Variants in KCNQ3 observed in about 807,000 individuals in gnomAD.
KCNQ3 encodes potassium voltage-gated channel subfamily KQT member 3.
A neutral mutation model predicts 92.5 loss-of-function variants in KCNQ3; 30 were observed. The observed-to-expected ratio is 0.32, with a 90% CI of 0.24 to 0.44. The LOEUF (loss-of-function observed/expected upper bound fraction) is 0.44, where lower values mean the gene tolerates loss of function less well. Ranked by LOEUF, KCNQ3 falls within the 20% of genes least tolerant of loss-of-function variation. KCNQ3 has a pLI of 1.00. For synonymous variants in KCNQ3, 450 were observed against 468.8 expected (o/e 0.96, Z 0.52); for missense variants, 913 against 1,140.3 (o/e 0.80, Z 2.87).
chr8:132,217,720 A>AAC (rs1471488044), intron 1 of KCNQ3, among the ~76,000 whole-genome samples: 1 of 151,428 alleles, frequency 6.6e-6, no homozygotes, highest in Non-Finnish European at 1.5e-5. Context: ...CAAAAAAAAA[A>AAC]AAAAAAAAAA....
intron 1 of KCNQ3, among the ~76,000 whole-genome samples, chr8:132,226,075 T>C (rs1242066658): frequency 6.6e-6 from 1 of 151,968 alleles, no homozygotes; most frequent in Non-Finnish European, 1.5e-5. Flanking sequence ...ATAGAGACCA[T>C]CCTGGCTAAC....
chr8:132,291,700 G>T (rs1210055007), intron 1 of KCNQ3, among the ~76,000 whole-genome samples: 2 of 152,124 alleles, frequency 1.3e-5, no homozygotes, highest in African/African-American at 4.8e-5. Flanking sequence ...ATAACCAGAT[G>T]CAGAGAAGCT....
chr8:132,480,016 C>T, intron 1 of KCNQ3, 131 bp downstream of exon 1: 2 of 811,002 alleles, frequency 2.5e-6, no homozygotes, highest in Non-Finnish European at 3.9e-6. Context: ...GTGCTGAGGA[C>T]GGGCTGGTCT....
intron 1 of KCNQ3, among the ~76,000 whole-genome samples, chr8:132,416,022 C>T (rs1182312458): frequency 6.6e-6 from 1 of 152,140 alleles, no homozygotes; most frequent in Non-Finnish European, 1.5e-5. Flanking sequence ...TATGACTCAC[C>T]CCAGGCCACA....
At chr8:132,133,347 CTCGAT>C (rs1824945868) in intron 13 of KCNQ3, among the ~76,000 whole-genome samples, 1 of 121,496 alleles carries the variant, frequency 8.2e-6, no homozygotes, top group African/African-American at 2.8e-5. Context: ...CGTTAATGCT[CTCGAT>C]TCTTTTTTTT....
intron 1 of KCNQ3, among the ~76,000 whole-genome samples, chr8:132,242,609 T>A (rs1293709283): frequency 6.6e-6 from 1 of 152,240 alleles, no homozygotes; most frequent in Non-Finnish European, 1.5e-5. Flanking sequence ...GATAGGAACC[T>A]AAATTCATAG....
At chr8:132,397,477 C>T (rs1375032022) in intron 1 of KCNQ3, among the ~76,000 whole-genome samples, 1 of 152,162 alleles carries the variant, frequency 6.6e-6, no homozygotes, top group Admixed American at 6.5e-5. Flanking sequence ...ACTATCTACG[C>T]TGCATAGGGT....
At chr8:132,358,776 G>C (rs950679950) in intron 1 of KCNQ3, among the ~76,000 whole-genome samples, 2 of 152,182 alleles carry the variant, frequency 1.3e-5, no homozygotes, top group African/African-American at 4.8e-5. Flanking sequence ...GATTATACAT[G>C]AATTTGTGTG....
chr8:132,278,043 A>G (rs1816394967), intron 1 of KCNQ3: 2 of 985,366 alleles, frequency 2.0e-6, no homozygotes, highest in Non-Finnish European at 2.4e-6. Context: ...CTCAGATTCA[A>G]ACAAGTCAGG....
chr8:132,206,641 C>T (rs976276457), intron 1 of KCNQ3, among the ~76,000 whole-genome samples: 1 of 152,170 alleles, frequency 6.6e-6, no homozygotes, highest in African/African-American at 2.4e-5. Flanking sequence ...CATATAGTTG[C>T]TCATAGTAAC....
chr8:132,187,837 G>A (rs1432718390), intron 1 of KCNQ3, among the ~76,000 whole-genome samples: 159 of 122,152 alleles, frequency 1.3e-3, no homozygotes, highest in African/African-American at 3.4e-3. Context: ...GGTGATTGTG[G>A]TGGTGGTGGT....
Position 132,346,439 on chromosome 8 carries a change from C to T in KCNQ3, c.386+133708G>A, listed in dbSNP as rs753730816. ...CGGAGGCGGGAGCATTTCCAAAGGT[C>T]GGGATGACTCAGCAGTCCTCTGAAA... On this transcript the variant is annotated intron_variant, in intron 1 of 14. Transcript: ENST00000388996. 5.3e-5 allele frequency among the ~76,000 whole-genome samples: 8 copies of T among 152,112 alleles called. No homozygotes were observed. The East Asian group carries it at 7.7e-4, about 15-fold the overall frequency.
At chr8:132,447,670 G>C (rs1232299773) in intron 1 of KCNQ3, among the ~76,000 whole-genome samples, 2 of 152,198 alleles carry the variant, frequency 1.3e-5, no homozygotes, top group African/African-American at 4.8e-5. Flanking sequence ...ACAGCGCCAC[G>C]AGCGCATGAT....
At chr8:132,227,274 A>T (rs914976997) in intron 1 of KCNQ3, among the ~76,000 whole-genome samples, 8 of 151,968 alleles carry the variant, frequency 5.3e-5, no homozygotes, top group African/African-American at 1.9e-4. Context: ...GTTGGCCAGG[A>T]TGGTCTCGAT....
chr8:132,294,031 C>T (rs368384060), intron 1 of KCNQ3, among the ~76,000 whole-genome samples: 1 of 119,276 alleles, frequency 8.4e-6, no homozygotes, highest in African/African-American at 3.4e-5. Context: ...GACGGAGTCT[C>T]GCTTTGTCAC....
chr8:132,456,671 G>A (rs1007898560), intron 1 of KCNQ3, among the ~76,000 whole-genome samples: 6 of 151,570 alleles, frequency 4.0e-5, no homozygotes, highest in African/African-American at 1.2e-4. Flanking sequence ...GCAGTGGTGC[G>A]ATCTTGGCAG....
chr8:132,235,737 G>A lies in KCNQ3; in HGVS notation c.387-49556C>T, dbSNP rs115100764. On this transcript the variant is annotated intron_variant, in intron 1 of 14. Transcript: ENST00000388996. ...GGAACGTCTGCCTTTACTCCACTTT[G>A]TGTCTCAAATACTCTGCTCACTTCT... Among the ~76,000 whole-genome samples, 157 of 152,272 alleles carry A rather than the reference G, an allele frequency of 1.0e-3. 1 individual carries two copies. The highest frequency in any genetic ancestry group is 3.7e-3 in the African/African-American group (155 of 41,556).
chr8:132,174,157 G>T, intron 6 of KCNQ3, 82 bp downstream of exon 6: 1 of 947,170 alleles, frequency 1.1e-6, no homozygotes, highest in Non-Finnish European at 1.7e-6. Flanking sequence ...GATAGAAGAT[G>T]ACACTGGAAA....
At chr8:132,218,037 A>C (rs924755502) in intron 1 of KCNQ3, among the ~76,000 whole-genome samples, 2 of 152,200 alleles carry the variant, frequency 1.3e-5, no homozygotes, top group South Asian at 2.1e-4. Context: ...TTTTTAATAG[A>C]GGATGGAAAA....
Sources: allele counts gnomAD v4.1 joint callset (sites outside exome capture counted in the v4.1 genomes callset), GRCh38; gene constraint gnomAD v4.1.1; transcripts MANE v1.5; gene names NCBI Gene and HGNC (gene_info 2026-07-23, HGNC 2026-07-21).